LAMA3: variants seen among roughly 807,000 people sequenced by gnomAD.
LAMA3 encodes laminin subunit alpha 3.
In LAMA3, 281 loss-of-function variants were observed where a neutral mutation model predicts 402.0. The ratio of observed to expected loss-of-function variants is 0.70; its 90% CI spans 0.63 to 0.77. The LOEUF (loss-of-function observed/expected upper bound fraction) is 0.77. Ranked by LOEUF, LAMA3 falls within the 30% of genes least tolerant of loss-of-function variation. The probability of loss-of-function intolerance (pLI) is 0.00; values close to 1 mark genes in which losing one functional copy is unlikely to be tolerated. For synonymous variants in LAMA3, 1,431 were observed against 1,558.4 expected, an observed-to-expected ratio of 0.92 and a Z score of 1.93; for missense variants, 3,840 against 4,215.5, an observed-to-expected ratio of 0.91 and a Z score of 2.47.
intron 12 of LAMA3, among the ~76,000 whole-genome samples, chr18:23,787,667 C>T (rs1239544429): frequency 2.0e-5 from 3 of 152,150 alleles, no homozygotes; most frequent in Non-Finnish European, 4.4e-5. Context: ...GCAGTGAGAG[C>T]GTATATTCTA....
intron 1 of LAMA3, among the ~76,000 whole-genome samples, chr18:23,700,885 T>C (rs1199003481): frequency 6.6e-6 from 1 of 151,914 alleles, no homozygotes; most frequent in African/African-American, 2.4e-5. Context: ...TTTTGTAGAG[T>C]TGGTGTTTCG....
intron 32 of LAMA3, among the ~76,000 whole-genome samples, chr18:23,856,137 T>C (rs1360961396): frequency 2.0e-5 from 3 of 152,220 alleles, no homozygotes; most frequent in African/African-American, 7.2e-5. Flanking sequence ...TTGCCCAAGG[T>C]CCAGTAAGTG....
chr18:23,750,952 CA>C lies in LAMA3; in HGVS notation c.725del (p.Asn242IlefsTer8). ...VVSLINGRPG[A>X]KNFTFSHTLR... ...TCCTTGATAAACGGTCGTCCAGGTG[CA>C]AAAAATTTTACTTTCTCTCACACCC... On this transcript the variant is annotated frameshift_variant, in exon 5 of 75. Coordinates refer to ENST00000313654, the MANE Select transcript of LAMA3 (RefSeq NM_198129.4). LOFTEE classifies it high-confidence loss of function. 1 of 1,613,974 alleles carries C rather than the reference CA, an allele frequency of 6.2e-7. No homozygotes were observed. Among genetic ancestry groups the C allele is most frequent in the African/African-American group, 1.3e-5 (1 of 74,958 alleles).
chr18:23,827,925 C>T (rs1568227829), intron 23 of LAMA3, among the ~76,000 whole-genome samples: 1 of 152,186 alleles, frequency 6.6e-6, no homozygotes, highest in Non-Finnish European at 1.5e-5. Context: ...GAATCCGGAA[C>T]TTCTACATCC....
chr18:23,931,891 A>G (rs570564135), intron 65 of LAMA3, among the ~76,000 whole-genome samples: 1 of 152,360 alleles, frequency 6.6e-6, no homozygotes, highest in Admixed American at 6.5e-5. Context: ...GAACACTTAT[A>G]GCCTGTGCAC....
chr18:23,791,247 T>C (rs1402210478), intron 12 of LAMA3, among the ~76,000 whole-genome samples: 3 of 152,206 alleles, frequency 2.0e-5, no homozygotes, highest in Non-Finnish European at 2.9e-5. Context: ...GAAAGGACAG[T>C]ATAAATTTCA....
At position 23,943,846 on chromosome 18, in the gene LAMA3, G is replaced by A. The variant is rs1197948299; in HGVS notation, c.9085G>A (p.Gly3029Ser). The change falls in exon 69 of 75, where the codon GGC becomes AGC. Residue 3029 changes from glycine (G) to serine (S), a missense_variant. Gly to Ser is a moderately conservative substitution (Grantham distance 56). Around this residue, in one of 3 missense-constraint regions of LAMA3, gnomAD observed 840 missense variants for 981.9 expected, o/e 0.86. Coordinates refer to ENST00000313654, the MANE Select transcript of LAMA3 (RefSeq NM_198129.4). ...CTCCAGAGGACTGGTGTTTCACACGGGCACTAAGAACTCCTTTATGGCTCT... is the reference window on the plus strand; with the variant it reads ...CTCCAGAGGACTGGTGTTTCACACGAGCACTAAGAACTCCTTTATGGCTCT... ...TSSRGLVFHT[G>S]TKNSFMALYL... 1.2e-6 allele frequency: 2 copies of A among 1,613,938 alleles called. No individual in the cohort carries two copies. The highest frequency in any genetic ancestry group is 2.2e-5 in the East Asian group (1 of 44,888).
In LAMA3 at chr18:23,861,652, G is replaced by T. The variant is rs777192731; in HGVS notation, c.4429G>T (p.Asp1477Tyr). ...CTTCTCTCCCTCTTTCCAGTTTGTG[G>T]ATATGCTGGGCTGGCACCTGGAGAC... ...SSHKRRTKFVDMLGWHLETAD... is the reference protein window; with the variant it reads ...SSHKRRTKFVYMLGWHLETAD... Residue 1477 changes from aspartate (D) to tyrosine (Y), a missense_variant, in exon 35 of 75, where the codon GAT (aspartate) becomes TAT (tyrosine). Physicochemically the swap from Asp to Tyr is radical, Grantham distance 160. Transcript: ENST00000313654. The T allele has an allele frequency of 6.2e-7, 1 of 1,614,168 alleles. No individual in the cohort carries two copies. Among genetic ancestry groups the T allele is most frequent in the Admixed American group, 1.7e-5 (1 of 60,024 alleles).
chr18:23,853,508 G>A (rs1192683401), intron 32 of LAMA3, among the ~76,000 whole-genome samples: 3 of 152,148 alleles, frequency 2.0e-5, no homozygotes, highest in Non-Finnish European at 4.4e-5. Flanking sequence ...CCCGACCTCA[G>A]GTGATCCACT....
intron 42 of LAMA3, among the ~76,000 whole-genome samples, chr18:23,892,121 A>T (rs1362037808): frequency 6.6e-6 from 1 of 152,228 alleles, no homozygotes; most frequent in Non-Finnish European, 1.5e-5. Flanking sequence ...GATTCTAAGG[A>T]AGAAGTGTCT....
chr18:23,761,254 C>T (rs2061962138), intron 7 of LAMA3, among the ~76,000 whole-genome samples: 1 of 152,118 alleles, frequency 6.6e-6, no homozygotes, highest in African/African-American at 2.4e-5. Context: ...GAGAACTATG[C>T]TCTATTGCAA....
At chr18:23,731,489 G>A (rs2061393948) in intron 2 of LAMA3, among the ~76,000 whole-genome samples, 1 of 152,174 alleles carries the variant, frequency 6.6e-6, no homozygotes, top group African/African-American at 2.4e-5. Flanking sequence ...GTGGCAGATA[G>A]ACCTGCACAA....
intron 2 of LAMA3, among the ~76,000 whole-genome samples, chr18:23,731,413 C>G (rs897870663): frequency 6.6e-6 from 1 of 152,162 alleles, no homozygotes; most frequent in Non-Finnish European, 1.5e-5. Context: ...TTTATTGCTT[C>G]TTTGGAGGAC....
At chr18:23,768,239 CCTAACAAAGGT>C (rs2062120624) in intron 8 of LAMA3, among the ~76,000 whole-genome samples, 1 of 149,204 alleles carries the variant, frequency 6.7e-6, no homozygotes, top group South Asian at 2.1e-4. Flanking sequence ...AAACTGTGCA[CCTAACAAAGGT>C]CTAATATTCG....
intron 24 of LAMA3, among the ~76,000 whole-genome samples, chr18:23,835,234 G>A (rs183074042): frequency 6.6e-6 from 1 of 152,286 alleles, no homozygotes; most frequent in African/African-American, 2.4e-5. Flanking sequence ...CGGCTCTCCA[G>A]CTCCTTCCAC....
chr18:23,824,660 A>G, intron 21 of LAMA3, 95 bp downstream of exon 21: 2 of 1,362,990 alleles, frequency 1.5e-6, no homozygotes, highest in Non-Finnish European at 2.1e-6. Flanking sequence ...ACCATAAAAT[A>G]TCACAATCAT....
rs188729559 is a variant in LAMA3 at position 23,820,167 on chromosome 18, T to C, written c.2304+170T>C. ...TTTAGGTTAAACCTGGGGTTTGGGG[T>C]AGGGCTGTATATTAACTGATAAGCA... On this transcript the variant is annotated intron_variant, in intron 19 of 74. Transcript: ENST00000313654. Among the ~76,000 whole-genome samples, 435 of 152,282 alleles carry C rather than the reference T, an allele frequency of 2.9e-3. 1 individual carries two copies. Among genetic ancestry groups the C allele is most frequent in the Non-Finnish European group, 4.1e-3 (276 of 68,014 alleles).
intron 1 of LAMA3, among the ~76,000 whole-genome samples, chr18:23,713,235 C>G (rs1167668556): frequency 6.6e-6 from 1 of 152,214 alleles, no homozygotes; most frequent in Non-Finnish European, 1.5e-5. Context: ...CCTTGTCTCT[C>G]AATGCTTGCC....
At chr18:23,815,080 C>A in intron 15 of LAMA3, 108 bp from the exon 16 acceptor site, 2 of 963,770 alleles carry the variant, frequency 2.1e-6, no homozygotes, top group Non-Finnish European at 1.7e-6. Flanking sequence ...TTGAACTGCG[C>A]TGGCAAGGCC....
Sources: gnomAD v4.1 joint callset for allele counts (sites outside exome capture counted in the v4.1 genomes callset) on GRCh38, gnomAD v4.1.1 for gene constraint, gnomAD v4.1.1 regional missense constraint, MANE v1.5 for transcripts, NCBI Gene and HGNC (gene_info 2026-07-23, HGNC 2026-07-21) for gene names.